HEATR6: variants seen among roughly 807,000 people sequenced by gnomAD.
The protein encoded by HEATR6 is HEAT repeat containing 6, also known as HEAT repeat-containing protein 6.
Under a neutral mutation model 132.8 loss-of-function variants are expected in HEATR6, and 106 were observed. The observed-to-expected ratio is 0.80, with a 90% CI of 0.68 to 0.94. The LOEUF (loss-of-function observed/expected upper bound fraction) is 0.94, where lower values mean the gene tolerates loss of function less well. Ranked by LOEUF, HEATR6 falls within the 40% of genes least tolerant of loss-of-function variation. HEATR6 has a pLI of 0.00. For synonymous variants in HEATR6, 529 were observed against 537.8 expected (o/e 0.98, Z 0.23); for missense variants, 1,339 against 1,425.1 (o/e 0.94, Z 0.97).
rs1426802815 is a variant in HEATR6 at position 60,061,667 on chromosome 17, T to A, written c.1417-1571A>T. ...TACGGACAATGCAATCTGAATTCCA[T>A]ATAATTTTCACATATCACGAGATAT... is the stretch of plus-strand genomic sequence containing the variant. On this transcript the variant is annotated intron_variant, in intron 9 of 19. Coordinates refer to ENST00000184956, the MANE Select transcript of HEATR6 (RefSeq NM_022070.5). Among the ~76,000 whole-genome samples, 19 of 152,264 alleles carry A rather than the reference T, an allele frequency of 1.2e-4. 1 individual carries two copies. The highest frequency in any genetic ancestry group is 1.2e-3 in the Admixed American group (19 of 15,290).
rs1388049714 is a variant in HEATR6 at position 60,041,137 on chromosome 17, A to G, written c.*2426T>C. On this transcript the variant is annotated 3_prime_UTR_variant, in exon 20 of 20. Coordinates refer to ENST00000184956, the MANE Select transcript of HEATR6 (RefSeq NM_022070.5). ...TGTCCTTTAGTGTATGTACACCCAC[A>G]ATGCTGCAGAGAAGAGAATCAGCAT... Among the ~76,000 whole-genome samples the G allele has an allele frequency of 6.6e-6, 1 of 152,184 alleles. No homozygotes were observed. The highest frequency in any genetic ancestry group is 2.4e-5 in the African/African-American group (1 of 41,448).
rs368040564 is a variant in HEATR6 at position 60,044,171 on chromosome 17, C to G, written c.2975-37G>C. Reference sequence around the variant, plus strand: ...CCACAGTCACTAAAACAAATGCAGGCTTAGAACTAGGTGGGGTGAGAGGGA... The same window carrying G: ...CCACAGTCACTAAAACAAATGCAGGGTTAGAACTAGGTGGGGTGAGAGGGA... On this transcript the variant is annotated intron_variant, in intron 19 of 19. Coordinates refer to ENST00000184956, the MANE Select transcript of HEATR6 (RefSeq NM_022070.5). 5 of 1,526,140 alleles carry G rather than the reference C, an allele frequency of 3.3e-6. No individual in the cohort carries two copies. The African/African-American group carries it at 4.1e-5, about 13-fold the overall frequency. 94.5% of individuals were successfully genotyped at this position (1,526,140 alleles called of 1,614,324 possible).
rs1193871432 is a variant in HEATR6 at position 60,078,684 on chromosome 17, C to A, written c.219+12G>T. The A allele has an allele frequency of 6.5e-7, 1 of 1,533,502 alleles. No individual in the cohort carries two copies. Among genetic ancestry groups the A allele is most frequent in the East Asian group, 2.5e-5 (1 of 40,640 alleles). 95.0% of individuals were successfully genotyped at this position (1,533,502 alleles called of 1,614,324 possible). On this transcript the variant is annotated intron_variant, in intron 1 of 19. Coordinates refer to ENST00000184956, the MANE Select transcript of HEATR6 (RefSeq NM_022070.5). ...GGGGCCGGGGCCGGGGCCAGCAGGG[C>A]GCGCCGCCTACCTCCGGGGCCACGC...
Position 60,069,795 on chromosome 17 carries a change from T to C in HEATR6, c.855A>G (p.Leu285=), listed in dbSNP as rs1165106852. The C allele has an allele frequency of 6.2e-7, 1 of 1,614,000 alleles. No homozygotes were observed. The highest frequency in any genetic ancestry group is 2.2e-5 in the East Asian group (1 of 44,886). ...CATACTGAGGAAGCGGAGTTGGGTA[T>C]AACACCGTGGGCATCTCTATGTTTA... ...PGLNIEMPTV[L]YPTPLPQYDG... is the part of the protein sequence containing the mutation. Residue 285 remains leucine (L), a synonymous_variant, in exon 7 of 20, where the codon TTA becomes TTG. Transcript: ENST00000184956.
intron 5 of HEATR6, 104 bp from the exon 6 acceptor site, chr17:60,070,911 T>A (rs1289503429): frequency 1.5e-6 from 1 of 663,170 alleles, no homozygotes; most frequent in Admixed American, 2.5e-5. Flanking sequence ...AGTCTCTAGA[T>A]GATGAAAAAA....
chr17:60,056,225 G>C lies in HEATR6; in HGVS notation c.2092C>G (p.Leu698Val). ...GTCATTGAAAAGTAGCCCCTTGCCA[G>C]AAGAGTCAATACCTGCAAAGAGAGC... ...RLEALQVLTL[L>V]ARGYFSMTQA... is the part of the protein sequence containing the mutation. Residue 698 changes from leucine (L) to valine (V), a missense_variant, in exon 13 of 20, where the codon CTG becomes GTG. Leu to Val is a conservative substitution (Grantham distance 32). Coordinates refer to ENST00000184956, the MANE Select transcript of HEATR6 (RefSeq NM_022070.5). The C allele has an allele frequency of 1.2e-6, 2 of 1,613,784 alleles. No individual in the cohort carries two copies. Among genetic ancestry groups the C allele is most frequent in the Non-Finnish European group, 1.7e-6 (2 of 1,179,866 alleles).
At chr17:60,060,952 A>G (rs2083207489) in intron 9 of HEATR6, among the ~76,000 whole-genome samples, 1 of 152,226 alleles carries the variant, frequency 6.6e-6, no homozygotes, top group Non-Finnish European at 1.5e-5. Context: ...TTTCTTTATA[A>G]GGTTGAAAGA....
At chr17:60,053,715 T>C (rs1568615113) in intron 14 of HEATR6, among the ~76,000 whole-genome samples, 1 of 152,198 alleles carries the variant, frequency 6.6e-6, no homozygotes, top group Non-Finnish European at 1.5e-5. Context: ...TATGCCCATG[T>C]CCTAGGGATT....
chr17:60,065,992 A>G (rs988508445), intron 9 of HEATR6, among the ~76,000 whole-genome samples: 2 of 152,256 alleles, frequency 1.3e-5, no homozygotes, highest in African/African-American at 4.8e-5. Context: ...GGCTTCAAGC[A>G]AGCCCTGGGG....
chr17:60,048,324 T>C lies in HEATR6; in HGVS notation c.2612A>G (p.Asn871Ser). 6.2e-7 allele frequency: 1 copy of C among 1,613,698 alleles called. No individual in the cohort carries two copies. The highest frequency in any genetic ancestry group is 8.5e-7 in the Non-Finnish European group (1 of 1,179,712). ...ILMSLEDKSL[N>S]VRAKAAWSLG... The stretch of plus-strand genomic sequence containing the variant: ...GGACCAGGCTGCTTTGGCTCGAACA[T>C]TCAGAGACTTGTCTTCAAGTGACAT... The change falls in exon 17 of 20, where the codon AAT becomes AGT. Residue 871 changes from asparagine to serine, a missense_variant. Physicochemically the swap from Asn to Ser is conservative, Grantham distance 46. Coordinates refer to ENST00000184956, the MANE Select transcript of HEATR6 (RefSeq NM_022070.5).
Position 60,072,230 on chromosome 17 carries a change from A to G in HEATR6, c.684T>C (p.Asp228=). 6.3e-7 allele frequency: 1 copy of G among 1,579,382 alleles called. No homozygotes were observed. Among genetic ancestry groups the G allele is most frequent in the Non-Finnish European group, 8.7e-7 (1 of 1,152,406 alleles). The change falls in exon 5 of 20, where the codon GAT becomes GAC. Residue 228 remains aspartate (D), a synonymous_variant. Coordinates refer to ENST00000184956, the MANE Select transcript of HEATR6 (RefSeq NM_022070.5). ...LQSPKSSDMD[D]ITFCMLLQNA... Reference sequence around the variant, plus strand: ...GTCCACTTACCATGCAAAATGTGATATCATCCATATCAGATGATTTTGGAG... The same window carrying G: ...GTCCACTTACCATGCAAAATGTGATGTCATCCATATCAGATGATTTTGGAG...
chr17:60,065,845 A>G (rs1352285385), intron 9 of HEATR6, among the ~76,000 whole-genome samples: 1 of 152,196 alleles, frequency 6.6e-6, no homozygotes, highest in Non-Finnish European at 1.5e-5. Context: ...ATGATATTCT[A>G]CTGAGTTGTT....
At position 60,056,216 on chromosome 17, in the gene HEATR6, C is replaced by T; in HGVS notation, c.2101G>A (p.Gly701Ser). 6.2e-7 allele frequency: 1 copy of T among 1,613,920 alleles called. No homozygotes were observed. The highest frequency in any genetic ancestry group is 2.2e-5 in the East Asian group (1 of 44,850). ...ALQVLTLLAR[G>S]YFSMTQAYLM... ...TAGGCTTGAGTCATTGAAAAGTAGC[C>T]CCTTGCCAGAAGAGTCAATACCTGC... is the stretch of plus-strand genomic sequence containing the variant. Residue 701 changes from glycine to serine, a missense_variant, in exon 13 of 20, where the codon GGC (glycine) becomes AGC (serine). By Grantham distance (56) the Gly-to-Ser change is moderately conservative. Coordinates refer to ENST00000184956, the MANE Select transcript of HEATR6 (RefSeq NM_022070.5).
chr17:60,059,898 T>C lies in HEATR6; in HGVS notation c.1615A>G (p.Ile539Val). 1 of 1,613,138 alleles carries C rather than the reference T, an allele frequency of 6.2e-7. No homozygotes were observed. The highest frequency in any genetic ancestry group is 8.5e-7 in the Non-Finnish European group (1 of 1,179,266). ...CACAGTTGGTACATTACCTTAATTA[T>C]CTGAGTAACGGTCTGTGAGGATGAC... ...AESSSQTVTQ[I>V]IKCLANLVSN... Residue 539 changes from isoleucine to valine, a missense_variant, in exon 10 of 20, where the codon ATA (isoleucine) becomes GTA (valine). Ile to Val is a conservative substitution (Grantham distance 29). Transcript: ENST00000184956.
At position 60,077,703 on chromosome 17, in the gene HEATR6, C is replaced by T. The variant is rs192524730; in HGVS notation, c.219+993G>A. Reference sequence around the variant, plus strand: ...TAAAGTTTATGAACAATTTTTTTTCCTCCTAAAGAAAAGATCATTCTGGCA... The same window carrying T: ...TAAAGTTTATGAACAATTTTTTTTCTTCCTAAAGAAAAGATCATTCTGGCA... On this transcript the variant is annotated intron_variant, in intron 1 of 19. Transcript: ENST00000184956. 7.2e-5 allele frequency among the ~76,000 whole-genome samples: 11 copies of T among 152,104 alleles called. No homozygotes were observed. The East Asian group carries it at 2.1e-3, about 29-fold the overall frequency.
chr17:60,054,239 T>C (rs1333528242), intron 14 of HEATR6, among the ~76,000 whole-genome samples: 1 of 152,244 alleles, frequency 6.6e-6, no homozygotes, highest in Admixed American at 6.5e-5. Flanking sequence ...AGTTTCCATG[T>C]GGTGTTAAGC....
chr17:60,047,677 C>T (rs947999434), intron 17 of HEATR6, among the ~76,000 whole-genome samples: 1 of 150,824 alleles, frequency 6.6e-6, no homozygotes, highest in African/African-American at 2.4e-5. Flanking sequence ...AAGACTAAAA[C>T]AAATGTTCAG....
At chr17:60,075,306 G>C (rs1444250928) in intron 2 of HEATR6, among the ~76,000 whole-genome samples, 1 of 152,158 alleles carries the variant, frequency 6.6e-6, no homozygotes, top group African/African-American at 2.4e-5. Context: ...TTATTATTAA[G>C]GGGCTACAGA....
intron 12 of HEATR6, among the ~76,000 whole-genome samples, chr17:60,056,608 T>G (rs1294277186): frequency 6.6e-6 from 1 of 152,182 alleles, no homozygotes; most frequent in African/African-American, 2.4e-5. Flanking sequence ...AGATCATATT[T>G]GTATAGAAAA....
Sources: allele counts gnomAD v4.1 joint callset (sites outside exome capture counted in the v4.1 genomes callset), GRCh38; gene constraint gnomAD v4.1.1; transcripts MANE v1.5; gene names NCBI Gene and HGNC (gene_info 2026-07-23, HGNC 2026-07-21).